The following HTR1F variants were observed in gnomAD, a reference collection of about 807,000 sequenced individuals.
HTR1F encodes 5-hydroxytryptamine (serotonin) receptor 1F, G protein-coupled.
A neutral mutation model predicts 24.0 loss-of-function variants in HTR1F; 17 were observed. That is an observed-to-expected ratio of 0.71 (90% CI 0.48 to 1.06). HTR1F has a LOEUF of 1.06. Among genes scored for constraint, HTR1F ranks in the 50% least tolerant of loss-of-function variants. The pLI, the probability that HTR1F is intolerant of heterozygous loss-of-function variation, is 0.00. For synonymous variants in HTR1F, 186 were observed against 156.8 expected, an observed-to-expected ratio of 1.19 and a Z score of -1.39; for missense variants, 391 against 427.8, an observed-to-expected ratio of 0.91 and a Z score of 0.76.
At chr3:87,826,336 A>G (rs1267587042) in intron 2 of HTR1F, among the ~76,000 whole-genome samples, 11 of 152,214 alleles carry the variant, frequency 7.2e-5, no homozygotes, top group Admixed American at 2.0e-4. Context: ...TTGCTCATAC[A>G]TCAATGATTG....
At chr3:87,930,148 T>C (rs112750137) in intron 2 of HTR1F, among the ~76,000 whole-genome samples, 13 of 152,324 alleles carry the variant, frequency 8.5e-5, no homozygotes, top group African/African-American at 3.1e-4. Flanking sequence ...TCCTGAGACT[T>C]TGCTGAAGTT....
intron 2 of HTR1F, among the ~76,000 whole-genome samples, chr3:87,891,587 T>C (rs1706087663): frequency 6.6e-6 from 1 of 152,178 alleles, no homozygotes; most frequent in Non-Finnish European, 1.5e-5. Context: ...AGAATTGAGA[T>C]TCAGTATCCC....
chr3:87,808,532 T>C (rs1481853886), intron 1 of HTR1F, among the ~76,000 whole-genome samples: 7 of 151,826 alleles, frequency 4.6e-5, no homozygotes, highest in African/African-American at 1.4e-4. Context: ...CATCAAGTGA[T>C]TTATTTATTT....
intron 2 of HTR1F, among the ~76,000 whole-genome samples, chr3:87,858,227 T>C (rs1705241430): frequency 1.3e-5 from 2 of 152,154 alleles, no homozygotes; most frequent in African/African-American, 2.4e-5. Flanking sequence ...AGCAAAGGCA[T>C]GTATAGAGCA....
At chr3:87,835,271 C>T (rs141291008) in intron 2 of HTR1F, among the ~76,000 whole-genome samples, 2 of 151,078 alleles carry the variant, frequency 1.3e-5, no homozygotes, top group East Asian at 2.0e-4. Context: ...ACCCTTACCC[C>T]CAAGACCCCC....
chr3:87,833,816 CTTTT>C (rs897989722), intron 2 of HTR1F, among the ~76,000 whole-genome samples: 1 of 151,078 alleles, frequency 6.6e-6, no homozygotes, highest in Non-Finnish European at 1.5e-5. Context: ...CTATAAAGCC[CTTTT>C]TTTTTAAGTC....
chr3:87,806,584 A>AT (rs1704078025), intron 1 of HTR1F, among the ~76,000 whole-genome samples: 1 of 151,960 alleles, frequency 6.6e-6, no homozygotes, highest in South Asian at 2.1e-4. Context: ...GTTTGCAAAT[A>AT]TTTTCTCCTA....
intron 1 of HTR1F, among the ~76,000 whole-genome samples, chr3:87,807,071 AGTTTTGTCC>A (rs1704085669): frequency 6.6e-6 from 1 of 151,840 alleles, no homozygotes; most frequent in South Asian, 2.1e-4. Context: ...TGGTGTCTCC[AGTTTTGTCC>A]TTTTTGCTCA....
intron 2 of HTR1F, among the ~76,000 whole-genome samples, chr3:87,889,661 A>G (rs1706036068): frequency 6.6e-6 from 1 of 152,142 alleles, no homozygotes; most frequent in Non-Finnish European, 1.5e-5. Flanking sequence ...AATCCAAACT[A>G]TATAAAATTT....
At chr3:87,898,913 T>C (rs1293580879) in intron 2 of HTR1F, among the ~76,000 whole-genome samples, 2 of 152,204 alleles carry the variant, frequency 1.3e-5, no homozygotes, top group African/African-American at 4.8e-5. Context: ...TTTACTTTTG[T>C]GTATGTTTTT....
In HTR1F at chr3:87,845,876, G is replaced by T. The variant is rs534102948; in HGVS notation, c.-43+23752G>T. Among the ~76,000 whole-genome samples, 3 of 151,740 alleles carry T rather than the reference G, an allele frequency of 2.0e-5. No individual in the cohort carries two copies. In the South Asian group the frequency reaches 6.2e-4, roughly 32 times the overall value. ...TATTTTCCTCTGCAAATATTATTTT[G>T]GTGTTTTCACTCACAAATTTGTCCA... On this transcript the variant is annotated intron_variant, in intron 2 of 2. Transcript: ENST00000319595.
At chr3:87,954,136 C>T (rs1369495872) in intron 2 of HTR1F, among the ~76,000 whole-genome samples, 1 of 151,582 alleles carries the variant, frequency 6.6e-6, no homozygotes, top group Non-Finnish European at 1.5e-5. Flanking sequence ...TTTGATAGCA[C>T]AGTGAGATGA....
At chr3:87,915,118 G>A (rs368512139) in intron 2 of HTR1F, among the ~76,000 whole-genome samples, 29 of 152,204 alleles carry the variant, frequency 1.9e-4, no homozygotes, top group African/African-American at 6.0e-4. Context: ...ACTGCAGCTC[G>A]TCTGTCAGGA....
At chr3:87,808,051 T>A (rs1177140694) in intron 1 of HTR1F, among the ~76,000 whole-genome samples, 2 of 152,026 alleles carry the variant, frequency 1.3e-5, no homozygotes, top group Admixed American at 6.6e-5. Flanking sequence ...TCTGTACCTA[T>A]GTTCATCAGG....
chr3:87,991,910 A>T lies in HTR1F; in HGVS notation c.*60A>T. On this transcript the variant is annotated 3_prime_UTR_variant, in exon 3 of 3. Coordinates refer to ENST00000319595, the MANE Select transcript of HTR1F (RefSeq NM_001322209.2). ...TTTGAGGGGAGGAATAACTAGATGAATGCCAAATAATAAAACACTTAAGCT... is the reference window on the plus strand; with the variant it reads ...TTTGAGGGGAGGAATAACTAGATGATTGCCAAATAATAAAACACTTAAGCT... 7.3e-7 allele frequency: 1 copy of T among 1,376,410 alleles called. No homozygotes were observed. The highest frequency in any genetic ancestry group is 9.8e-7 in the Non-Finnish European group (1 of 1,015,512). 85.3% of individuals were successfully genotyped at this position (1,376,410 alleles called of 1,614,324 possible).
In HTR1F at chr3:87,866,845, T is replaced by C. The variant is rs1052603575; in HGVS notation, c.-43+44721T>C. Among the ~76,000 whole-genome samples the C allele has an allele frequency of 9.6e-4, 123 of 128,724 alleles. 3 individuals carry two copies. The highest frequency in any genetic ancestry group is 1.6e-3 in the East Asian group (8 of 5,024). The allele number at this position is 128,724 out of a possible 152,430, so 84.4% of individuals were successfully genotyped here. ...GTGTGTGTGTGTGTGTGTGTGTGTG[T>C]GCGTGTGTGTGTTCAGGGAGCAGTT... On this transcript the variant is annotated intron_variant, in intron 2 of 2. Transcript: ENST00000319595.
chr3:87,805,204 T>G (rs1211500725), intron 1 of HTR1F, among the ~76,000 whole-genome samples: 1 of 144,190 alleles, frequency 6.9e-6, no homozygotes, highest in African/African-American at 2.6e-5. Flanking sequence ...TAGAGCAAGG[T>G]TTTTTTTTTT....
chr3:87,834,389 C>T (rs1218259035), intron 2 of HTR1F, among the ~76,000 whole-genome samples: 1 of 151,448 alleles, frequency 6.6e-6, no homozygotes, highest in Non-Finnish European at 1.5e-5. Context: ...AAAATGAAAA[C>T]AATTTGGGAC....
At chr3:87,926,979 G>A (rs2107392709) in intron 2 of HTR1F, among the ~76,000 whole-genome samples, 1 of 152,194 alleles carries the variant, frequency 6.6e-6, no homozygotes, top group Non-Finnish European at 1.5e-5. Context: ...GACAAGAAGG[G>A]CAACAATTGC....
Sources: gnomAD v4.1 joint callset for allele counts (sites outside exome capture counted in the v4.1 genomes callset) on GRCh38, gnomAD v4.1.1 for gene constraint, MANE v1.5 for transcripts, NCBI Gene and HGNC (gene_info 2026-07-23, HGNC 2026-07-21) for gene names.